KCTD9: variants seen among roughly 807,000 people sequenced by gnomAD.
KCTD9 encodes the protein potassium channel tetramerization domain containing 9.
A neutral mutation model predicts 53.3 loss-of-function variants in KCTD9; 17 were observed. The ratio of observed to expected loss-of-function variants is 0.32; its 90% CI spans 0.22 to 0.48. The LOEUF is 0.48. Among genes scored for constraint, KCTD9 ranks in the 20% least tolerant of loss-of-function variants. The pLI is 0.99. For missense variants in KCTD9, 179 were observed against 465.5 expected (o/e 0.38, Z 5.66); for synonymous variants, 128 against 162.7 (o/e 0.79, Z 1.62).
chr8:25,437,440 T>C (rs371969848), intron 6 of KCTD9, among the ~76,000 whole-genome samples: 35 of 151,910 alleles, frequency 2.3e-4, no homozygotes, highest in Admixed American at 8.5e-4. Context: ...TTTGGGAGGC[T>C]GAGGTGGGTA....
rs1040083633 is a variant in KCTD9 at position 25,429,135 on chromosome 8, G to A, written c.*722C>T. ...CTCATTTGTAAGTGTTGTAGTGATA[G>A]GTAAGTTATTCCTCCATCCAGAGTT... On this transcript the variant is annotated 3_prime_UTR_variant, in exon 12 of 12. Coordinates refer to ENST00000221200, the MANE Select transcript of KCTD9 (RefSeq NM_017634.4). 1.3e-5 allele frequency: 2 copies of A among 152,128 alleles called. No individual in the cohort carries two copies. Among genetic ancestry groups the A allele is most frequent in the African/African-American group, 2.4e-5 (1 of 41,426 alleles). 9.4% of individuals were successfully genotyped at this position (152,128 alleles called of 1,614,324 possible). A position where few individuals can be genotyped will look rare whatever the true frequency, so the allele number is the denominator to read the frequency against.
chr8:25,443,562 G>T (rs1802161212), intron 3 of KCTD9, among the ~76,000 whole-genome samples: 1 of 152,126 alleles, frequency 6.6e-6, no homozygotes, highest in Admixed American at 6.6e-5. Flanking sequence ...TAGGCCAATG[G>T]ATAAAAGAAG....
chr8:25,432,649 A>G lies in KCTD9; in HGVS notation c.920-12T>C, dbSNP rs1230927518. The G allele has an allele frequency of 2.5e-6, 4 of 1,601,358 alleles. No individual in the cohort carries two copies. In the Admixed American group the frequency reaches 7.0e-5, roughly 28 times the overall value. Reference sequence around the variant, plus strand: ...TTTCAGATTAGCACCTACAGTGAACACATTCTGGGAGTAGTTTAACTTAAA... The same window carrying G: ...TTTCAGATTAGCACCTACAGTGAACGCATTCTGGGAGTAGTTTAACTTAAA... On this transcript the variant is annotated splice_polypyrimidine_tract_variant and intron_variant, in intron 10 of 11. Coordinates refer to ENST00000221200, the MANE Select transcript of KCTD9 (RefSeq NM_017634.4).
intron 9 of KCTD9, among the ~76,000 whole-genome samples, chr8:25,434,245 A>G (rs1489171455): frequency 2.0e-5 from 3 of 152,072 alleles, no homozygotes; most frequent in African/African-American, 7.2e-5. Flanking sequence ...AATTACAGGC[A>G]TGCACCACCA....
intron 1 of KCTD9, among the ~76,000 whole-genome samples, chr8:25,447,497 C>T (rs1183070947): frequency 6.6e-6 from 1 of 152,176 alleles, no homozygotes; most frequent in Non-Finnish European, 1.5e-5. Flanking sequence ...GAAGTGAGCA[C>T]TAAGGCTGGT....
chr8:25,433,255 C>G, intron 10 of KCTD9, 75 bp downstream of exon 10: 1 of 787,158 alleles, frequency 1.3e-6, no homozygotes, highest in Non-Finnish European at 2.1e-6. Flanking sequence ...TCACCCTTAA[C>G]AATTATTTTC....
chr8:25,433,800 T>TGGGTAAGGAAGGCATAGACTTGTTAG (rs1476314443), intron 9 of KCTD9, among the ~76,000 whole-genome samples: 2 of 152,182 alleles, frequency 1.3e-5, no homozygotes, highest in Admixed American at 6.5e-5. Flanking sequence ...TCAAAATGTA[T>TGGGTAAGGAAGGCATAGACTTGTTAG]GGGTAAGGAA....
chr8:25,446,106 G>A, intron 2 of KCTD9, 23 bp downstream of exon 2: 2 of 1,610,730 alleles, frequency 1.2e-6, no homozygotes, highest in Admixed American at 1.7e-5. Flanking sequence ...ACTGTTGACA[G>A]CTTATAAAAA....
rs1018068566 is a variant in KCTD9, at chr8:25,428,260, C to T, written c.*1597G>A. ...TTGATTATGAAAATAGATTATCTCT[C>T]AATACAATACTTCTCTGTCTTGGTA... is the stretch of plus-strand genomic sequence containing the variant. On this transcript the variant is annotated 3_prime_UTR_variant, in exon 12 of 12. Coordinates refer to ENST00000221200, the MANE Select transcript of KCTD9 (RefSeq NM_017634.4). 8 of 152,528 alleles carry T rather than the reference C, an allele frequency of 5.2e-5. No individual in the cohort carries two copies. The highest frequency in any genetic ancestry group is 1.7e-4 in the African/African-American group (7 of 41,398). 9.4% of individuals were successfully genotyped at this position (152,528 alleles called of 1,614,324 possible). A position where few individuals can be genotyped will look rare whatever the true frequency, so the allele number is the denominator to read the frequency against.
intron 1 of KCTD9, 36 bp downstream of exon 1, chr8:25,458,163 C>T (rs774453649): frequency 6.0e-6 from 9 of 1,499,906 alleles, no homozygotes; most frequent in South Asian, 1.2e-5. Context: ...CTCGCCCCGA[C>T]CCCCGGCCCG....
At chr8:25,446,362 C>T in intron 1 of KCTD9, 112 bp from the exon 2 acceptor site, 3 of 1,270,336 alleles carry the variant, frequency 2.4e-6, no homozygotes, top group Non-Finnish European at 3.3e-6. Context: ...TAAAAGGAGA[C>T]TTCAAAAGGT....
At chr8:25,454,247 G>T (rs977963261) in intron 1 of KCTD9, among the ~76,000 whole-genome samples, 4 of 152,186 alleles carry the variant, frequency 2.6e-5, no homozygotes, top group African/African-American at 9.7e-5. Flanking sequence ...GACCAAGAAT[G>T]AAAACACGGT....
intron 1 of KCTD9, among the ~76,000 whole-genome samples, chr8:25,449,929 T>C (rs1473804445): frequency 1.3e-5 from 2 of 152,216 alleles, no homozygotes; most frequent in Non-Finnish European, 2.9e-5. Flanking sequence ...CAAGACCTGT[T>C]TGTTGTTTTA....
At chr8:25,442,988 A>C (rs1479176981) in intron 3 of KCTD9, among the ~76,000 whole-genome samples, 1 of 152,170 alleles carries the variant, frequency 6.6e-6, no homozygotes, top group Non-Finnish European at 1.5e-5. Context: ...AAGACAGAAG[A>C]GGATAAGTAA....
At chr8:25,448,170 A>G (rs1480952533) in intron 1 of KCTD9, among the ~76,000 whole-genome samples, 1 of 151,702 alleles carries the variant, frequency 6.6e-6, no homozygotes, top group African/African-American at 2.4e-5. Flanking sequence ...GAAAGGAAAG[A>G]ATAAAGAAAA....
chr8:25,431,373 C>G (rs760641483), intron 11 of KCTD9, among the ~76,000 whole-genome samples: 2 of 152,032 alleles, frequency 1.3e-5, no homozygotes, highest in Non-Finnish European at 2.9e-5. Flanking sequence ...AACAGTGTAA[C>G]CACCGCAATT....
At chr8:25,451,145 T>A (rs1586438052) in intron 1 of KCTD9, among the ~76,000 whole-genome samples, 1 of 152,190 alleles carries the variant, frequency 6.6e-6, no homozygotes, top group South Asian at 2.1e-4. Context: ...AACAATACCA[T>A]ACAAATAAAA....
chr8:25,446,358 G>T, intron 1 of KCTD9, 108 bp from the exon 2 acceptor site: 1 of 1,313,522 alleles, frequency 7.6e-7, no homozygotes, highest in Non-Finnish European at 1.0e-6. Flanking sequence ...CATATAAAAG[G>T]AGACTTCAAA....
intron 1 of KCTD9, chr8:25,451,595 A>C (rs768095259): frequency 8.5e-5 from 13 of 152,218 alleles, no homozygotes; most frequent in Non-Finnish European, 1.9e-4. Flanking sequence ...ATTAAAGTTC[A>C]TGATGTCTGT....
Sources: gnomAD v4.1 joint callset for allele counts (sites outside exome capture counted in the v4.1 genomes callset) on GRCh38, gnomAD v4.1.1 for gene constraint, MANE v1.5 for transcripts, NCBI Gene and HGNC (gene_info 2026-07-23, HGNC 2026-07-21) for gene names.